TMPRSS4: variants seen among roughly 807,000 people sequenced by gnomAD.
TMPRSS4 encodes transmembrane protease serine 4.
Under a neutral mutation model 56.4 loss-of-function variants are expected in TMPRSS4, and 45 were observed. The ratio of observed to expected loss-of-function variants is 0.80; its 90% CI spans 0.63 to 1.02. The LOEUF (loss-of-function observed/expected upper bound fraction) is 1.02. Among genes scored for constraint, TMPRSS4 ranks in the 50% least tolerant of loss-of-function variants. TMPRSS4 has a pLI of 0.00. For missense variants in TMPRSS4, 546 were observed against 556.7 expected (o/e 0.98, Z 0.19); for synonymous variants, 205 against 211.0 (o/e 0.97, Z 0.25).
At chr11:118,104,634 G>A in intron 4 of TMPRSS4, 57 bp from the exon 5 acceptor site, 1 of 1,612,586 alleles carries the variant, frequency 6.2e-7, no homozygotes. Flanking sequence ...TGAGTTCTGA[G>A]GGGGATGGGC....
chr11:118,095,544 A>T (rs1946238721), intron 2 of TMPRSS4: 1 of 152,386 alleles, frequency 6.6e-6, no homozygotes, highest in Non-Finnish European at 1.5e-5. Context: ...AATGGTGCCT[A>T]GTTTATACTT....
At chr11:118,122,162 C>T (rs952188747), downstream of TMPRSS4, among the ~76,000 whole-genome samples, 1 of 151,992 alleles carries the variant, frequency 6.6e-6, no homozygotes, top group Non-Finnish European at 1.5e-5. Flanking sequence ...ATAGAATATA[C>T]AAAGTAGGAT....
chr11:118,103,058 T>G, intron 3 of TMPRSS4, 43 bp from the exon 4 acceptor site: 1 of 1,608,970 alleles, frequency 6.2e-7, no homozygotes, highest in East Asian at 2.2e-5. Flanking sequence ...TGCTCAAGCC[T>G]GACCCTCAGC....
At chr11:118,125,262 C>A (rs1362775044), downstream of TMPRSS4, 3 of 456,520 alleles carry the variant, frequency 6.6e-6, no homozygotes, top group African/African-American at 4.0e-5. Flanking sequence ...CAGGAAGGAG[C>A]CAGCAGATAA....
intron 1 of TMPRSS4, among the ~76,000 whole-genome samples, chr11:118,079,583 C>G (rs938873302): frequency 2.0e-5 from 3 of 152,194 alleles, no homozygotes; most frequent in Non-Finnish European, 4.4e-5. Flanking sequence ...ATTACTGTTC[C>G]GGAGACCTAA....
intron 3 of TMPRSS4, among the ~76,000 whole-genome samples, chr11:118,101,248 A>C (rs1339929432): frequency 6.6e-6 from 1 of 152,120 alleles, no homozygotes; most frequent in African/African-American, 2.4e-5. Flanking sequence ...TTCCCTCCCA[A>C]GACTGTTGTC....
In TMPRSS4 at chr11:118,077,274, A is replaced by G; in HGVS notation, c.-29A>G. ...GGTGACAATCTCAGCTCCAGGCTAC[A>G]GGGAGACCGGGAGGATCACAGAGCC... On this transcript the variant is annotated 5_prime_UTR_variant, in exon 1 of 13. Transcript: ENST00000437212. 1 of 1,599,220 alleles carries G rather than the reference A, an allele frequency of 6.3e-7. No individual in the cohort carries two copies. Among genetic ancestry groups the G allele is most frequent in the Admixed American group, 1.7e-5 (1 of 58,226 alleles).
chr11:118,117,246 G>A, intron 11 of TMPRSS4, 59 bp from the exon 12 acceptor site: 1 of 1,579,144 alleles, frequency 6.3e-7, no homozygotes, highest in East Asian at 2.2e-5. Context: ...GAGCAGAGAA[G>A]GAGAAGCCCC....
downstream of TMPRSS4, chr11:118,125,457 T>A (rs1365959742): frequency 9.5e-6 from 4 of 420,230 alleles, no homozygotes; most frequent in Non-Finnish European, 1.9e-5. Flanking sequence ...GTCCCCCTTA[T>A]GCCCATTTCC....
At chr11:118,094,651 C>T (rs1389317792) in intron 1 of TMPRSS4, among the ~76,000 whole-genome samples, 165 bp from the exon 2 acceptor site, 1 of 152,206 alleles carries the variant, frequency 6.6e-6, no homozygotes, top group Non-Finnish European at 1.5e-5. Context: ...CAAACAGGTG[C>T]ATGACTGAAT....
chr11:118,123,672 G>A (rs1343500190), downstream of TMPRSS4, among the ~76,000 whole-genome samples: 3 of 152,250 alleles, frequency 2.0e-5, no homozygotes, highest in African/African-American at 4.8e-5. Context: ...ACAGGCGCCC[G>A]CCACTACGCC....
At chr11:118,091,373 C>A (rs1459943812) in intron 1 of TMPRSS4, among the ~76,000 whole-genome samples, 1 of 152,278 alleles carries the variant, frequency 6.6e-6, no homozygotes, top group South Asian at 2.1e-4. Context: ...CCTCCGTAAC[C>A]ATCCTGAGCC....
intron 9 of TMPRSS4, 105 bp downstream of exon 9, chr11:118,113,540 G>A: frequency 3.0e-6 from 4 of 1,339,958 alleles, no homozygotes; most frequent in Non-Finnish European, 4.1e-6. Context: ...CTCCTCTCAA[G>A]TCCTCAGCTT....
At chr11:118,103,719 C>G (rs569841150) in intron 4 of TMPRSS4, among the ~76,000 whole-genome samples, 6 of 152,144 alleles carry the variant, frequency 3.9e-5, no homozygotes, top group Admixed American at 3.9e-4. Flanking sequence ...GTCTTGTCTA[C>G]CTTTAAATCC....
At chr11:118,079,204 C>A (rs893404827) in intron 1 of TMPRSS4, among the ~76,000 whole-genome samples, 1 of 152,116 alleles carries the variant, frequency 6.6e-6, no homozygotes, top group Non-Finnish European at 1.5e-5. Context: ...GCTGAATAAC[C>A]CTGTCATTAA....
At chr11:118,094,086 G>A (rs1281705729) in intron 1 of TMPRSS4, among the ~76,000 whole-genome samples, 1 of 152,196 alleles carries the variant, frequency 6.6e-6, no homozygotes, top group Non-Finnish European at 1.5e-5. Context: ...CTAATGAAGC[G>A]ACTATAAACT....
At chr11:118,099,234 C>G in intron 3 of TMPRSS4, 136 bp downstream of exon 3, 1 of 629,708 alleles carries the variant, frequency 1.6e-6, no homozygotes, top group Non-Finnish European at 2.8e-6. Context: ...CAGTCCCACC[C>G]CTGCCCTCAC....
At chr11:118,094,586 G>A (rs1457679689) in intron 1 of TMPRSS4, among the ~76,000 whole-genome samples, 1 of 152,192 alleles carries the variant, frequency 6.6e-6, no homozygotes, top group Non-Finnish European at 1.5e-5. Context: ...TTCTACAATT[G>A]CTAACCAGTT....
rs753912103 is a variant in TMPRSS4 at position 118,104,673 on chromosome 11, A to C, written c.311-18A>C. The C allele has an allele frequency of 6.8e-6, 11 of 1,613,992 alleles. No individual in the cohort carries two copies. Among genetic ancestry groups the C allele is most frequent in the Non-Finnish European group, 8.5e-6 (10 of 1,180,010 alleles). ...TTGGGCCCCCCGTTCCATCTAACTCAGGTTCCTTTCCTCCCAGTCCGCCTC... is the reference window on the plus strand; with the variant it reads ...TTGGGCCCCCCGTTCCATCTAACTCCGGTTCCTTTCCTCCCAGTCCGCCTC... On this transcript the variant is annotated intron_variant, in intron 4 of 12. Coordinates refer to ENST00000437212, the MANE Select transcript of TMPRSS4 (RefSeq NM_019894.4).
Sources: allele counts gnomAD v4.1 joint callset (sites outside exome capture counted in the v4.1 genomes callset), GRCh38; gene constraint gnomAD v4.1.1; transcripts MANE v1.5; gene names NCBI Gene and HGNC (gene_info 2026-07-23, HGNC 2026-07-21).